Variants in FAM13A observed in about 807,000 individuals in gnomAD.
The protein encoded by FAM13A is family with sequence similarity 13 member A, also known as protein FAM13A.
In FAM13A, 76 loss-of-function variants were observed where a neutral mutation model predicts 129.6. The observed-to-expected ratio is 0.59, with a 90% CI of 0.49 to 0.71. The LOEUF is 0.71. FAM13A is among the 30% of genes least tolerant of loss of function. The pLI is 0.00. For missense variants in FAM13A, 1,108 were observed against 1,249.3 expected (o/e 0.89, Z 1.70); for synonymous variants, 443 against 449.9 (o/e 0.98, Z 0.20).
At chr4:89,014,385 T>C (rs1417947457) in intron 3 of FAM13A, among the ~76,000 whole-genome samples, 1 of 152,232 alleles carries the variant, frequency 6.6e-6, no homozygotes, top group Non-Finnish European at 1.5e-5. Flanking sequence ...TTAAAAAGTA[T>C]TTCTTAAATG....
chr4:88,765,591 T>C (rs1462366274), intron 13 of FAM13A, among the ~76,000 whole-genome samples: 3 of 152,210 alleles, frequency 2.0e-5, no homozygotes, highest in Non-Finnish European at 2.9e-5. Flanking sequence ...AACAGCACAC[T>C]GAAACAAGGG....
At chr4:88,934,334 T>C (rs1753522237) in intron 5 of FAM13A, among the ~76,000 whole-genome samples, 1 of 152,174 alleles carries the variant, frequency 6.6e-6, no homozygotes, top group African/African-American at 2.4e-5. Flanking sequence ...AGAGCAGAGA[T>C]TTTCATCTAT....
chr4:88,828,583 C>G (rs1733399047), intron 7 of FAM13A, among the ~76,000 whole-genome samples: 1 of 152,168 alleles, frequency 6.6e-6, no homozygotes, highest in African/African-American at 2.4e-5. Flanking sequence ...ACAACAGGAA[C>G]TGTATCTTTC....
chr4:88,859,713 C>A (rs982845256), intron 6 of FAM13A, among the ~76,000 whole-genome samples: 1 of 152,102 alleles, frequency 6.6e-6, no homozygotes, highest in Non-Finnish European at 1.5e-5. Context: ...AGCTTAGTTG[C>A]GTGGGTTTCA....
At chr4:88,746,441 G>A (rs916406329) in intron 19 of FAM13A, among the ~76,000 whole-genome samples, 1 of 152,154 alleles carries the variant, frequency 6.6e-6, no homozygotes, top group African/African-American at 2.4e-5. Flanking sequence ...GGTTCTGAAC[G>A]GCAGCTGGAA....
At chr4:89,022,385 T>C (rs1560838066) in intron 2 of FAM13A, among the ~76,000 whole-genome samples, 2 of 152,192 alleles carry the variant, frequency 1.3e-5, no homozygotes, top group Non-Finnish European at 2.9e-5. Context: ...GAGATGTTTG[T>C]GTTCTTCCAC....
In FAM13A at chr4:88,726,641, T is replaced by A. The variant is rs1370908528; in HGVS notation, c.*1892A>T. The A allele has an allele frequency of 7.6e-6, 1 of 132,108 alleles. No homozygotes were observed. Among genetic ancestry groups the A allele is most frequent in the Non-Finnish European group, 1.6e-5 (1 of 63,440 alleles). 8.2% of individuals were successfully genotyped at this position (132,108 alleles called of 1,614,324 possible). On this transcript the variant is annotated 3_prime_UTR_variant, in exon 24 of 24. Coordinates refer to ENST00000264344, the MANE Select transcript of FAM13A (RefSeq NM_014883.4). Reference sequence around the variant, plus strand: ...AAAGGACAGACTAGACATGTATTTTTAAAAAAACACAATTTTTGGTCATGT... The same window carrying A: ...AAAGGACAGACTAGACATGTATTTTAAAAAAAACACAATTTTTGGTCATGT...
intron 7 of FAM13A, among the ~76,000 whole-genome samples, chr4:88,845,245 G>A (rs550816930): frequency 1.4e-4 from 22 of 152,032 alleles, no homozygotes; most frequent in South Asian, 4.2e-4. Flanking sequence ...TCTGGTGGTC[G>A]GGAGAATGAA....
intron 6 of FAM13A, among the ~76,000 whole-genome samples, chr4:88,879,015 T>C (rs1048897719): frequency 6.6e-6 from 1 of 152,240 alleles, no homozygotes; most frequent in Non-Finnish European, 1.5e-5. Flanking sequence ...CTAAACAGCA[T>C]GGTTGATATA....
intron 21 of FAM13A, among the ~76,000 whole-genome samples, chr4:88,735,010 G>T (rs1412114632): frequency 1.3e-5 from 2 of 152,160 alleles, no homozygotes; most frequent in Non-Finnish European, 2.9e-5. Context: ...TTGATAAACT[G>T]GTGTGTGTGC....
At chr4:88,791,188 A>G (rs1725065588) in intron 8 of FAM13A, among the ~76,000 whole-genome samples, 1 of 151,988 alleles carries the variant, frequency 6.6e-6, no homozygotes, top group Non-Finnish European at 1.5e-5. Context: ...TTTCTTCCTA[A>G]GTTTCTCAGG....
At chr4:88,798,524 G>T (rs1187719170) in intron 8 of FAM13A, among the ~76,000 whole-genome samples, 1 of 152,120 alleles carries the variant, frequency 6.6e-6, no homozygotes, top group African/African-American at 2.4e-5. Flanking sequence ...TCTGATTAGT[G>T]CAATAGACAG....
intron 5 of FAM13A, among the ~76,000 whole-genome samples, chr4:88,923,686 T>G (rs1751551993): frequency 6.6e-6 from 1 of 152,134 alleles, no homozygotes; most frequent in Non-Finnish European, 1.5e-5. Context: ...CAACTCAGTG[T>G]TGGAAGTTCT....
chr4:88,965,074 T>A (rs1007849540), intron 4 of FAM13A, among the ~76,000 whole-genome samples: 2 of 152,234 alleles, frequency 1.3e-5, no homozygotes, highest in African/African-American at 4.8e-5. Flanking sequence ...ACGTCTTCTT[T>A]CCTTTTATAA....
At chr4:88,902,924 A>G (rs1278357957) in intron 6 of FAM13A, among the ~76,000 whole-genome samples, 1 of 152,230 alleles carries the variant, frequency 6.6e-6, no homozygotes, top group African/African-American at 2.4e-5. Context: ...AGGATACAAA[A>G]GAAATGTGCA....
At chr4:88,963,739 T>C (rs567342498) in intron 4 of FAM13A, among the ~76,000 whole-genome samples, 3 of 152,218 alleles carry the variant, frequency 2.0e-5, no homozygotes, top group Admixed American at 6.5e-5. Context: ...TGTTTATATA[T>C]TTTAGGGACC....
At chr4:88,804,315 A>C (rs10020704) in intron 8 of FAM13A, among the ~76,000 whole-genome samples, 77,039 of 152,016 alleles carry the variant, frequency 0.51, 19,732 homozygotes, top group East Asian at 0.69. Flanking sequence ...ATATTTTAAA[A>C]AACAAACATC....
At chr4:88,882,746 CAACT>C (rs1743794088) in intron 6 of FAM13A, among the ~76,000 whole-genome samples, 1 of 152,050 alleles carries the variant, frequency 6.6e-6, no homozygotes, top group African/African-American at 2.4e-5. Flanking sequence ...ATTCACCAAC[CAACT>C]ATCTGCTATC....
At chr4:88,795,254 A>G (rs1200468149) in intron 8 of FAM13A, among the ~76,000 whole-genome samples, 1 of 151,822 alleles carries the variant, frequency 6.6e-6, no homozygotes, top group Non-Finnish European at 1.5e-5. Context: ...AGAGGAAAAT[A>G]TTTATCCTCA....
Sources: allele counts gnomAD v4.1 joint callset (sites outside exome capture counted in the v4.1 genomes callset), GRCh38; gene constraint gnomAD v4.1.1; transcripts MANE v1.5; gene names NCBI Gene and HGNC (gene_info 2026-07-23, HGNC 2026-07-21).